ACKR3: variants seen among roughly 807,000 people sequenced by gnomAD.
ACKR3 encodes atypical chemokine receptor 3.
In ACKR3, 6 loss-of-function variants were observed where a neutral mutation model predicts 22.4. The ratio of observed to expected loss-of-function variants is 0.27; its 90% CI spans 0.15 to 0.53. The LOEUF is 0.53. Among genes scored for constraint, ACKR3 ranks in the 20% least tolerant of loss-of-function variants. ACKR3 has a pLI of 0.96. For missense variants in ACKR3, 396 were observed against 475.2 expected (o/e 0.83, Z 1.55); for synonymous variants, 209 against 205.2 (o/e 1.02, Z -0.16).
chr2:236,568,266 C>T (rs1404984366), upstream of ACKR3, among the ~76,000 whole-genome samples: 1 of 152,220 alleles, frequency 6.6e-6, no homozygotes, highest in Admixed American at 6.5e-5. Context: ...CGGCTACAGC[C>T]ACAGAAAGCG....
At chr2:236,538,286 G>A in the ACKR3 span, among the ~76,000 whole-genome samples, 29 of 152,264 alleles carry the variant, frequency 1.9e-4, no homozygotes, top group Admixed American at 4.6e-4. Flanking sequence ...GATGTCTCCT[G>A]AAAAGAAAAG....
At chr2:236,566,594 G>A (rs138765942), upstream of ACKR3, among the ~76,000 whole-genome samples, 8 of 152,300 alleles carry the variant, frequency 5.3e-5, no homozygotes, top group Non-Finnish European at 7.4e-5. Flanking sequence ...AAAGAATACT[G>A]CAGAGCGTCA....
At chr2:236,550,785 A>G in the ACKR3 span, among the ~76,000 whole-genome samples, 1 of 152,210 alleles carries the variant, frequency 6.6e-6, no homozygotes, top group African/African-American at 2.4e-5. This position sits in a 1 kb window ranked among gnomAD's most constrained non-coding sequence, Gnocchi z 4.6. Flanking sequence ...CAAAGTCTCC[A>G]TTAACGAGCG....
upstream of ACKR3, among the ~76,000 whole-genome samples, chr2:236,565,410 A>G (rs1691157486): frequency 1.3e-5 from 2 of 152,190 alleles, no homozygotes; most frequent in Non-Finnish European, 2.9e-5. Context: ...TGAAATTCCT[A>G]TGTGAAAGAT....
rs183776393 is a variant in ACKR3, at chr2:236,577,724, C to T, written c.-26-2716C>T. Among the ~76,000 whole-genome samples the T allele has an allele frequency of 9.2e-5, 14 of 152,250 alleles. No individual in the cohort carries two copies. In the East Asian group the frequency reaches 1.7e-3, roughly 19 times the overall value. On this transcript the variant is annotated intron_variant, in intron 1 of 1. Coordinates refer to ENST00000272928, the MANE Select transcript of ACKR3 (RefSeq NM_020311.3). The surrounding 1 kb of genome is among the most constrained non-coding windows in gnomAD (Gnocchi z 5.6). The stretch of plus-strand genomic sequence containing the variant: ...ACCATGGTGGGGGAGAGAGGTGGGG[C>T]GGATTCGGGATCCAAGTTCGGGCGA...
At chr2:236,544,562 T>G in the ACKR3 span, among the ~76,000 whole-genome samples, 4 of 151,940 alleles carry the variant, frequency 2.6e-5, no homozygotes, top group Non-Finnish European at 5.9e-5. This position sits in a 1 kb window ranked among gnomAD's most constrained non-coding sequence, Gnocchi z 5.0. Flanking sequence ...GTAGCTTGGG[T>G]TGGAGAGCTC....
upstream of ACKR3, among the ~76,000 whole-genome samples, chr2:236,563,308 C>G (rs1210650359): frequency 6.6e-6 from 1 of 152,144 alleles, no homozygotes; most frequent in African/African-American, 2.4e-5. Context: ...CGGCACGCGC[C>G]AAGCACAGTG....
chr2:236,567,949 C>A, upstream of ACKR3: 1 of 125,990 alleles, frequency 7.9e-6, no homozygotes, highest in Non-Finnish European at 1.7e-5. Flanking sequence ...TGTGTGGGTG[C>A]GGGGCTGGGT....
chr2:236,550,103 C>A, the ACKR3 span, among the ~76,000 whole-genome samples: 2 of 152,198 alleles, frequency 1.3e-5, no homozygotes, highest in Non-Finnish European at 2.9e-5. This position sits in a 1 kb window ranked among gnomAD's most constrained non-coding sequence, Gnocchi z 4.6. Context: ...CACAGCCAAA[C>A]TGCAGCAACG....
At chr2:236,543,238 C>T in the ACKR3 span, among the ~76,000 whole-genome samples, 1 of 152,242 alleles carries the variant, frequency 6.6e-6, no homozygotes, top group African/African-American at 2.4e-5. Flanking sequence ...GGGGATCTCT[C>T]TTGGACTCAG....
the ACKR3 span, among the ~76,000 whole-genome samples, chr2:236,546,230 G>A: frequency 8.5e-5 from 13 of 152,142 alleles, no homozygotes; most frequent in African/African-American, 3.1e-4. This position sits in a 1 kb window ranked among gnomAD's most constrained non-coding sequence, Gnocchi z 4.9. Flanking sequence ...GGCACAATGG[G>A]TACTTTGATG....
chr2:236,544,254 T>C, the ACKR3 span, among the ~76,000 whole-genome samples: 1 of 151,812 alleles, frequency 6.6e-6, no homozygotes, highest in Non-Finnish European at 1.5e-5. This position sits in a 1 kb window ranked among gnomAD's most constrained non-coding sequence, Gnocchi z 5.0. Context: ...TCCCAAAGTG[T>C]TGGGATTACA....
At chr2:236,558,386 C>T in the ACKR3 span, among the ~76,000 whole-genome samples, 1 of 152,164 alleles carries the variant, frequency 6.6e-6, no homozygotes, top group Non-Finnish European at 1.5e-5. Flanking sequence ...ATGGTGCTGG[C>T]AGGAATGGCT....
the ACKR3 span, among the ~76,000 whole-genome samples, chr2:236,557,275 T>C: frequency 6.6e-6 from 1 of 152,074 alleles, no homozygotes; most frequent in Non-Finnish European, 1.5e-5. Flanking sequence ...TGTGTGTGTG[T>C]GTGTGTGCAT....
At chr2:236,544,059 G>A in the ACKR3 span, among the ~76,000 whole-genome samples, 3 of 141,928 alleles carry the variant, frequency 2.1e-5, no homozygotes, top group African/African-American at 5.1e-5. The surrounding 1 kb of genome is among the most constrained non-coding windows in gnomAD (Gnocchi z 5.0). Context: ...ATGTGATCTC[G>A]GCTCACTGCA....
the ACKR3 span, among the ~76,000 whole-genome samples, chr2:236,537,300 C>T: frequency 1.3e-5 from 2 of 152,182 alleles, no homozygotes; most frequent in Non-Finnish European, 2.9e-5. Flanking sequence ...TGCCTTGGTC[C>T]TAAGTGTGAG....
chr2:236,545,084 G>T, the ACKR3 span, among the ~76,000 whole-genome samples: 13 of 152,174 alleles, frequency 8.5e-5, no homozygotes, highest in Non-Finnish European at 1.9e-4. This position sits in a 1 kb window ranked among gnomAD's most constrained non-coding sequence, Gnocchi z 5.3. Context: ...GGGCATGCTT[G>T]TTCACTATAG....
At chr2:236,543,943 A>ATG in the ACKR3 span, among the ~76,000 whole-genome samples, 1 of 11,044 alleles carries the variant, frequency 9.1e-5, no homozygotes, top group Non-Finnish European at 1.7e-4. Flanking sequence ...GGAGAAGGGT[A>ATG]TATATATATA....
chr2:236,544,608 G>T, the ACKR3 span, among the ~76,000 whole-genome samples: 2 of 152,178 alleles, frequency 1.3e-5, no homozygotes, highest in African/African-American at 4.8e-5. This position sits in a 1 kb window ranked among gnomAD's most constrained non-coding sequence, Gnocchi z 5.0. Flanking sequence ...GGCCTGAGTC[G>T]ATGGGAATAG....
Sources: gnomAD v4.1 joint callset for allele counts (sites outside exome capture counted in the v4.1 genomes callset) on GRCh38, gnomAD v4.1.1 for gene constraint, Gnocchi (gnomAD v3.1) non-coding constraint, MANE v1.5 for transcripts, NCBI Gene and HGNC (gene_info 2026-07-23, HGNC 2026-07-21) for gene names.